Variants in CHN2 observed in about 807,000 individuals in gnomAD.
CHN2 encodes the protein chimerin 2.
Under a neutral mutation model 56.3 loss-of-function variants are expected in CHN2, and 35 were observed. The observed-to-expected ratio is 0.62, with a 90% CI of 0.47 to 0.82. CHN2 has a LOEUF of 0.82. Ranked by LOEUF, CHN2 falls within the 40% of genes least tolerant of loss-of-function variation. CHN2 has a pLI of 0.00. For synonymous variants in CHN2, 210 were observed against 212.8 expected, an observed-to-expected ratio of 0.99 and a Z score of 0.12; for missense variants, 491 against 580.5, an observed-to-expected ratio of 0.85 and a Z score of 1.58.
intron 1 of CHN2, among the ~76,000 whole-genome samples, chr7:29,286,945 T>C (rs1792195009): frequency 6.6e-6 from 1 of 152,180 alleles, no homozygotes; most frequent in African/African-American, 2.4e-5. Flanking sequence ...AGAAGTGTTT[T>C]AGTTGTGGTT....
At chr7:29,452,600 C>T (rs1784479957) in intron 6 of CHN2, among the ~76,000 whole-genome samples, 1 of 152,198 alleles carries the variant, frequency 6.6e-6, no homozygotes. Context: ...ACCCCATTGA[C>T]TTGTTCTTAG....
chr7:29,320,893 A>G (rs1189335611), intron 1 of CHN2, among the ~76,000 whole-genome samples: 1 of 152,158 alleles, frequency 6.6e-6, no homozygotes. Flanking sequence ...TAGAGACCAC[A>G]TGGGTCCCAT....
chr7:29,313,499 A>G (rs568910130), intron 1 of CHN2, among the ~76,000 whole-genome samples: 1 of 152,080 alleles, frequency 6.6e-6, no homozygotes, highest in East Asian at 2.0e-4. Flanking sequence ...CCCTGGCCCT[A>G]CCCGAGGCCC....
At chr7:29,378,443 A>G (rs1800236844) in intron 3 of CHN2, among the ~76,000 whole-genome samples, 1 of 152,196 alleles carries the variant, frequency 6.6e-6, no homozygotes, top group East Asian at 1.9e-4. Context: ...TTCGTCTAGC[A>G]TAGGCGTTGG....
intron 1 of CHN2, among the ~76,000 whole-genome samples, chr7:29,237,661 G>A (rs1471328862): frequency 1.3e-5 from 2 of 152,152 alleles, no homozygotes; most frequent in Non-Finnish European, 2.9e-5. Flanking sequence ...AGGTTGCAGG[G>A]TTGAGCCTGG....
rs189158790 is a variant in CHN2, at chr7:29,444,452, C to A, written c.577-35827C>A. Among the ~76,000 whole-genome samples the A allele has an allele frequency of 8.5e-4, 130 of 152,306 alleles. 1 individual carries two copies. The highest frequency in any genetic ancestry group is 2.7e-3 in the African/African-American group (112 of 41,564). On this transcript the variant is annotated intron_variant, in intron 6 of 12. Transcript: ENST00000222792. Reference sequence around the variant, plus strand: ...CAAGGAATATCAATGACCTCACTCACCTACTTGGCACCTGAGCTATTGTAG... The same window carrying A: ...CAAGGAATATCAATGACCTCACTCAACTACTTGGCACCTGAGCTATTGTAG...
intron 7 of CHN2, among the ~76,000 whole-genome samples, chr7:29,482,813 T>C (rs1308686899): frequency 2.0e-5 from 1 of 50,318 alleles, no homozygotes; most frequent in African/African-American, 8.7e-5. Flanking sequence ...TTTTTTTTTT[T>C]TTTTTTTTTT....
At chr7:29,221,095 G>A (rs1292384358) in intron 1 of CHN2, among the ~76,000 whole-genome samples, 1 of 152,110 alleles carries the variant, frequency 6.6e-6, no homozygotes, top group Non-Finnish European at 1.5e-5. Context: ...ACTAATAGAA[G>A]GGAATTTCTT....
intron 1 of CHN2, among the ~76,000 whole-genome samples, chr7:29,345,492 G>A (rs561117831): frequency 2.7e-4 from 41 of 152,244 alleles, no homozygotes; most frequent in Non-Finnish European, 5.6e-4. Context: ...CAGTGTGCAC[G>A]CGAGAGGGAA....
At position 29,401,502 on chromosome 7, in the gene CHN2, C is replaced by T. The variant is rs139122229; in HGVS notation, c.576+674C>T. 1.4e-3 allele frequency among the ~76,000 whole-genome samples: 217 copies of T among 152,270 alleles called. 1 individual carries two copies. Among genetic ancestry groups the T allele is most frequent in the Non-Finnish European group, 2.2e-3 (148 of 68,016 alleles). On this transcript the variant is annotated intron_variant, in intron 6 of 12. Transcript: ENST00000222792. ...GGCTCCATCTTTAGTTCCACCCAGCCGGCCAAATACGTGGTATTTGTATTT... is the reference window on the plus strand; with the variant it reads ...GGCTCCATCTTTAGTTCCACCCAGCTGGCCAAATACGTGGTATTTGTATTT...
At chr7:29,201,415 CT>C (rs890019229) in intron 1 of CHN2, among the ~76,000 whole-genome samples, 213 of 146,936 alleles carry the variant, frequency 1.4e-3, no homozygotes, top group African/African-American at 2.3e-3. Context: ...TTCTTGTAGA[CT>C]TTTTTTTTTT....
At chr7:29,505,008 T>A (rs939232368) in intron 10 of CHN2, among the ~76,000 whole-genome samples, 187 bp downstream of exon 10, 3 of 152,142 alleles carry the variant, frequency 2.0e-5, no homozygotes, top group African/African-American at 7.2e-5. Flanking sequence ...TCACAGCCAT[T>A]GATAAGTGAT....
intron 1 of CHN2, among the ~76,000 whole-genome samples, chr7:29,270,650 G>A (rs56377741): frequency 0.029 from 4,299 of 149,444 alleles, 212 homozygotes; most frequent in African/African-American, 0.098. Flanking sequence ...GGGCAACAGA[G>A]CAAGACTCTG....
At chr7:29,329,373 A>G in intron 1 of CHN2, among the ~76,000 whole-genome samples, 1 of 107,820 alleles carries the variant, frequency 9.3e-6, no homozygotes, top group Non-Finnish European at 1.9e-5. Context: ...CCTTCAGATA[A>G]GGCAAAAAAA....
chr7:29,310,324 G>A (rs921685950), intron 1 of CHN2, among the ~76,000 whole-genome samples: 4 of 152,102 alleles, frequency 2.6e-5, no homozygotes, highest in Admixed American at 2.0e-4. Flanking sequence ...AATATTGAAT[G>A]AATATAATCA....
At chr7:29,492,009 A>T (rs1788715683) in intron 7 of CHN2, among the ~76,000 whole-genome samples, 1 of 152,168 alleles carries the variant, frequency 6.6e-6, no homozygotes, top group Non-Finnish European at 1.5e-5. Context: ...TTCCTCCTAG[A>T]TTCAATTTGC....
At chr7:29,293,020 T>A (rs1792765337) in intron 1 of CHN2, 1 of 456,218 alleles carries the variant, frequency 2.2e-6, no homozygotes, top group Non-Finnish European at 4.4e-6. Context: ...CTCTGCATGC[T>A]GAGCCTCATC....
Position 29,512,886 on chromosome 7 carries a change from C to G in CHN2, c.*151C>G. 1.3e-6 allele frequency: 1 copy of G among 777,266 alleles called. No homozygotes were observed. Among genetic ancestry groups the G allele is most frequent in the Non-Finnish European group, 2.0e-6 (1 of 502,340 alleles). The allele number at this position is 777,266 out of a possible 1,614,324, so 48.1% of individuals were successfully genotyped here. A position where few individuals can be genotyped will look rare whatever the true frequency, so the allele number is the denominator to read the frequency against. On this transcript the variant is annotated 3_prime_UTR_variant, in exon 13 of 13. Transcript: ENST00000222792. ...GATCGCTGAGTGGGGTACTGTGTCT[C>G]ATAGACATGCGCCACCTCCACGTGA...
intron 1 of CHN2, among the ~76,000 whole-genome samples, chr7:29,332,423 T>G (rs39132): frequency 0.92 from 139,300 of 152,202 alleles, 63,970 homozygotes; most frequent in East Asian, 1. Flanking sequence ...ACAATTTTTT[T>G]ACTCTATGAG....
Sources: allele counts gnomAD v4.1 joint callset (sites outside exome capture counted in the v4.1 genomes callset), GRCh38; gene constraint gnomAD v4.1.1; transcripts MANE v1.5; gene names NCBI Gene and HGNC (gene_info 2026-07-23, HGNC 2026-07-21).